The following FBH1 variants were observed in gnomAD, a reference collection of about 807,000 sequenced individuals.
FBH1 encodes the protein F-box DNA helicase 1.
A neutral mutation model predicts 115.5 loss-of-function variants in FBH1; 43 were observed. The observed-to-expected ratio is 0.37, with a 90% CI of 0.29 to 0.48. FBH1 has a LOEUF of 0.48. Ranked by LOEUF, FBH1 falls within the 20% of genes least tolerant of loss-of-function variation. The pLI is 0.99. For missense variants in FBH1, 1,001 were observed against 1,337.3 expected (o/e 0.75, Z 3.92); for synonymous variants, 524 against 507.8 (o/e 1.03, Z -0.43).
chr10:5,924,538 C>T lies in FBH1; in HGVS notation c.2596+30C>T. The T allele has an allele frequency of 6.9e-6, 11 of 1,601,606 alleles. No homozygotes were observed. Among genetic ancestry groups the T allele is most frequent in the Non-Finnish European group, 9.4e-6 (11 of 1,169,684 alleles). On this transcript the variant is annotated intron_variant, in intron 17 of 20. Transcript: ENST00000362091. This position sits in a 1 kb window ranked among gnomAD's most constrained non-coding sequence, Gnocchi z 6.2. ...GGGAAGCAGTTGGTTTTTACCTTCC[C>T]CCTAAGAGGAGGAACAGATGGTCTT...
In FBH1 at chr10:5,925,289, G is replaced by A; in HGVS notation, c.2597-78G>A. ...GAAATGTTCGAGTTCAGAGTCAAGTGGGAAACATGTATGTTTTTGTCATCT... is the reference window on the plus strand; with the variant it reads ...GAAATGTTCGAGTTCAGAGTCAAGTAGGAAACATGTATGTTTTTGTCATCT... On this transcript the variant is annotated intron_variant, in intron 17 of 20. Transcript: ENST00000362091. The surrounding 1 kb of genome is among the most constrained non-coding windows in gnomAD (Gnocchi z 4.6). 1 of 1,547,880 alleles carries A rather than the reference G, an allele frequency of 6.5e-7. No homozygotes were observed. The highest frequency in any genetic ancestry group is 8.8e-7 in the Non-Finnish European group (1 of 1,136,848).
chr10:5,927,356 A>G, intron 18 of FBH1, 79 bp from the exon 19 acceptor site: 1 of 1,040,096 alleles, frequency 9.6e-7, no homozygotes, highest in Non-Finnish European at 1.4e-6. Context: ...GGGGCTAGTA[A>G]ACATTTAGAT....
Position 5,925,556 on chromosome 10 carries a change from C to T in FBH1, c.2722+64C>T, listed in dbSNP as rs375345708. ...TAGTGAGTGGTGACTGGAATGCTTCCTTTGCACGGCCTTGTTGTTTGTTGG... is the reference window on the plus strand; with the variant it reads ...TAGTGAGTGGTGACTGGAATGCTTCTTTTGCACGGCCTTGTTGTTTGTTGG... On this transcript the variant is annotated intron_variant, in intron 18 of 20. Coordinates refer to ENST00000362091, the MANE Select transcript of FBH1 (RefSeq NM_178150.3). The surrounding 1 kb of genome is among the most constrained non-coding windows in gnomAD (Gnocchi z 4.6). 6.3e-7 allele frequency: 1 copy of T among 1,596,418 alleles called. No individual in the cohort carries two copies. Among genetic ancestry groups the T allele is most frequent in the African/African-American group, 1.3e-5 (1 of 74,606 alleles).
intron 18 of FBH1, among the ~76,000 whole-genome samples, 177 bp from the exon 19 acceptor site, chr10:5,927,258 T>G (rs1357675215): frequency 6.6e-6 from 1 of 152,140 alleles, no homozygotes; most frequent in Non-Finnish European, 1.5e-5. Flanking sequence ...TCTGCTAGGA[T>G]TTGGTTTGTT....
rs1302195916 is a variant in FBH1 at position 5,911,254 on chromosome 10, C to T, written c.1211+126C>T. ...AGGCTGTGGGACCCACCTGCTCCAC[C>T]TCAGTGTCATCTTCTGCAGGAGCCA... is the stretch of plus-strand genomic sequence containing the variant. On this transcript the variant is annotated intron_variant, in intron 6 of 20. Coordinates refer to ENST00000362091, the MANE Select transcript of FBH1 (RefSeq NM_178150.3). This position sits in a 1 kb window ranked among gnomAD's most constrained non-coding sequence, Gnocchi z 5.4. 5.5e-5 allele frequency: 49 copies of T among 884,832 alleles called. No homozygotes were observed. In the East Asian group the frequency reaches 6.5e-4, roughly 12 times the overall value. 54.8% of individuals were successfully genotyped at this position (884,832 alleles called of 1,614,324 possible).
intron 1 of FBH1, 135 bp from the exon 2 acceptor site, chr10:5,902,885 G>C (rs966616225): frequency 1.8e-5 from 12 of 685,436 alleles, no homozygotes; most frequent in Non-Finnish European, 2.7e-5. Flanking sequence ...GGCAAGGGGA[G>C]GGGGGAACGG....
intron 15 of FBH1, among the ~76,000 whole-genome samples, chr10:5,922,984 G>A (rs912906144): frequency 1.6e-4 from 25 of 152,156 alleles, no homozygotes; most frequent in African/African-American, 5.8e-4. Flanking sequence ...CCCAGTTTGA[G>A]AGATTCTCGT....
chr10:5,923,395 C>A lies in FBH1; in HGVS notation c.2323-226C>A, dbSNP rs1589103506. 6.6e-6 allele frequency among the ~76,000 whole-genome samples: 1 copy of A among 152,140 alleles called. No individual in the cohort carries two copies. Among genetic ancestry groups the A allele is most frequent in the Non-Finnish European group, 1.5e-5 (1 of 68,028 alleles). ...TAGCAGCTGTAACTTAGAATGTGGTCCCTGTGAGTGTTCAGGCCACGTGGC... is the reference window on the plus strand; with the variant it reads ...TAGCAGCTGTAACTTAGAATGTGGTACCTGTGAGTGTTCAGGCCACGTGGC... On this transcript the variant is annotated intron_variant, in intron 15 of 20. Transcript: ENST00000362091. This position sits in a 1 kb window ranked among gnomAD's most constrained non-coding sequence, Gnocchi z 5.7.
Position 5,895,086 on chromosome 10 carries a change from CAT to C in FBH1, c.1+4741_1+4742del, listed in dbSNP as rs562885579. ...CATTGGACCTGTCAAGTGCCTGAGT[CAT>C]GTGATAATGGGCTACATTGCGCAGG... On this transcript the variant is annotated intron_variant, in intron 1 of 20. Coordinates refer to ENST00000362091, the MANE Select transcript of FBH1 (RefSeq NM_178150.3). This position sits in a 1 kb window ranked among gnomAD's most constrained non-coding sequence, Gnocchi z 5.0. 3.3e-4 allele frequency: 532 copies of C among 1,613,822 alleles called. 3 individuals carry two copies. In the African/African-American group the frequency reaches 6.0e-3, roughly 18 times the overall value.
intron 1 of FBH1, chr10:5,894,068 G>A (rs935145952): frequency 1.0e-6 from 1 of 985,428 alleles, no homozygotes; most frequent in Non-Finnish European, 1.2e-6. Context: ...TCAGATGTGA[G>A]AGGATCCCGG....
At chr10:5,920,097 T>A (rs1181509890) in intron 13 of FBH1, among the ~76,000 whole-genome samples, 2 of 152,230 alleles carry the variant, frequency 1.3e-5, no homozygotes, top group Non-Finnish European at 2.9e-5. Context: ...ATGAGGCTCT[T>A]CTTGGCTGTG....
At chr10:5,902,392 C>T (rs992019020) in intron 1 of FBH1, among the ~76,000 whole-genome samples, 1 of 151,872 alleles carries the variant, frequency 6.6e-6, no homozygotes, top group Non-Finnish European at 1.5e-5. Context: ...AATATATAGC[C>T]GATTCTTAAA....
In FBH1 at chr10:5,925,531, T is replaced by C; in HGVS notation, c.2722+39T>C. ...GGGTAGTGTCAGGTGCTGCTGTATGTAGTGAGTGGTGACTGGAATGCTTCC... is the reference window on the plus strand; with the variant it reads ...GGGTAGTGTCAGGTGCTGCTGTATGCAGTGAGTGGTGACTGGAATGCTTCC... On this transcript the variant is annotated intron_variant, in intron 18 of 20. Coordinates refer to ENST00000362091, the MANE Select transcript of FBH1 (RefSeq NM_178150.3). This position sits in a 1 kb window ranked among gnomAD's most constrained non-coding sequence, Gnocchi z 4.6. The C allele has an allele frequency of 6.2e-7, 1 of 1,610,204 alleles. No homozygotes were observed. Among genetic ancestry groups the C allele is most frequent in the Non-Finnish European group, 8.5e-7 (1 of 1,178,642 alleles).
chr10:5,914,071 G>T lies in FBH1; in HGVS notation c.1305-107G>T, dbSNP rs2274025. The T allele has an allele frequency of 9.2e-7, 1 of 1,086,646 alleles. No homozygotes were observed. The highest frequency in any genetic ancestry group is 1.4e-6 in the Non-Finnish European group (1 of 735,994). 67.3% of individuals were successfully genotyped at this position (1,086,646 alleles called of 1,614,324 possible). The stretch of plus-strand genomic sequence containing the variant: ...TCTCGTAAGGGGAGGCCTTTTTTTT[G>T]GTCAGCTTTTGTTTATCCAGTTTGT... On this transcript the variant is annotated intron_variant, in intron 7 of 20. Transcript: ENST00000362091. This position sits in a 1 kb window ranked among gnomAD's most constrained non-coding sequence, Gnocchi z 5.2.
rs1832505846 is a variant in FBH1, at chr10:5,924,367, AG to A, written c.2456del (p.Ser819MetfsTer7). On this transcript the variant is annotated frameshift_variant, in exon 17 of 21. Coordinates refer to ENST00000362091, the MANE Select transcript of FBH1 (RefSeq NM_178150.3). LOFTEE classifies it high-confidence loss of function. This position sits in a 1 kb window ranked among gnomAD's most constrained non-coding sequence, Gnocchi z 6.2. ...AAGATGGGTGCACAAAGAAGGCTTTAGTGGCTTCAAGAGGTATGTGACCGCT... is the reference window on the plus strand; with the variant it reads ...AAGATGGGTGCACAAAGAAGGCTTTATGGCTTCAAGAGGTATGTGACCGCT... ...IRRWVHKEGFSGFKRYVTAAE... is the reference protein window; with the variant it reads ...IRRWVHKEGFXGFKRYVTAAE... 6.2e-7 allele frequency: 1 copy of A among 1,614,120 alleles called. No individual in the cohort carries two copies. The highest frequency in any genetic ancestry group is 8.5e-7 in the Non-Finnish European group (1 of 1,180,046).
chr10:5,937,393 T>G lies in FBH1; in HGVS notation c.*113T>G. ...AGACTCTGGGTTCACCCACAGCACT[T>G]TCTGAGGAAGAGGACACCAGCCCAA... is the stretch of plus-strand genomic sequence containing the variant. On this transcript the variant is annotated 3_prime_UTR_variant, in exon 21 of 21. Coordinates refer to ENST00000362091, the MANE Select transcript of FBH1 (RefSeq NM_178150.3). The G allele has an allele frequency of 8.1e-7, 1 of 1,236,920 alleles. No individual in the cohort carries two copies. The highest frequency in any genetic ancestry group is 1.1e-6 in the Non-Finnish European group (1 of 942,606). 76.6% of individuals were successfully genotyped at this position (1,236,920 alleles called of 1,614,324 possible).
chr10:5,918,218 GA>G lies in FBH1; in HGVS notation c.1964-120del. 5 of 1,189,714 alleles carry G rather than the reference GA, an allele frequency of 4.2e-6. No individual in the cohort carries two copies. The highest frequency in any genetic ancestry group is 2.4e-5 in the Admixed American group (1 of 41,342). The allele number at this position is 1,189,714 out of a possible 1,614,324, so 73.7% of individuals were successfully genotyped here. ...TTGATGGAGTGTGCCTGTCCTACAG[GA>G]AAAGGCGACCGTGAGGTCCAGTGTG... On this transcript the variant is annotated intron_variant, in intron 12 of 20. Coordinates refer to ENST00000362091, the MANE Select transcript of FBH1 (RefSeq NM_178150.3). This position sits in a 1 kb window ranked among gnomAD's most constrained non-coding sequence, Gnocchi z 4.0.
rs1187032330 is a variant in FBH1 at position 5,921,980 on chromosome 10, C to T, written c.2322+411C>T. ...ACCGTGTGTGGCTTGGGGCAAGTCA[C>T]AACTTCTGTATGCCTCATTCTCTCC... On this transcript the variant is annotated intron_variant, in intron 15 of 20. Coordinates refer to ENST00000362091, the MANE Select transcript of FBH1 (RefSeq NM_178150.3). The surrounding 1 kb of genome is among the most constrained non-coding windows in gnomAD (Gnocchi z 6.4). 6.6e-6 allele frequency among the ~76,000 whole-genome samples: 1 copy of T among 152,216 alleles called. No individual in the cohort carries two copies. The highest frequency in any genetic ancestry group is 1.9e-4 in the East Asian group (1 of 5,196).
At chr10:5,899,714 G>C (rs1453463040) in intron 1 of FBH1, among the ~76,000 whole-genome samples, 2 of 152,174 alleles carry the variant, frequency 1.3e-5, no homozygotes, top group African/African-American at 4.8e-5. Context: ...AAGCCATGTT[G>C]CCGCTCTACC....
Sources: allele counts gnomAD v4.1 joint callset (sites outside exome capture counted in the v4.1 genomes callset), GRCh38; gene constraint gnomAD v4.1.1; non-coding constraint Gnocchi (gnomAD v3.1); transcripts MANE v1.5; gene names NCBI Gene and HGNC (gene_info 2026-07-23, HGNC 2026-07-21).